Variants in TBL1X observed in about 807,000 individuals in gnomAD.
TBL1X encodes F-box-like/WD repeat-containing protein TBL1X.
Under a neutral mutation model 50.7 loss-of-function variants are expected in TBL1X, and 10 were observed. That is an observed-to-expected ratio of 0.20 (90% CI 0.12 to 0.33). The LOEUF (loss-of-function observed/expected upper bound fraction) is 0.33, where lower values mean the gene tolerates loss of function less well. Ranked by LOEUF, TBL1X falls within the 10% of genes least tolerant of loss-of-function variation. The pLI is 1.00. For missense variants in TBL1X, 340 were observed against 504.4 expected, an observed-to-expected ratio of 0.67 and a Z score of 3.12; for synonymous variants, 190 against 214.7, an observed-to-expected ratio of 0.88 and a Z score of 1.01.
intron 9 of TBL1X, among the ~76,000 whole-genome samples, 167 bp from the exon 10 acceptor site, chrX:9,692,982 A>G (rs1335056888): frequency 8.9e-6 from 1 of 112,374 alleles, no homozygotes; most frequent in African/African-American, 3.2e-5. Flanking sequence ...ATTTTCTGCA[A>G]GGTCTTACGA....
At chrX:9,698,770 C>A (rs1172807644) in intron 12 of TBL1X, among the ~76,000 whole-genome samples, 2 of 111,958 alleles carry the variant, frequency 1.8e-5, no homozygotes, top group Non-Finnish European at 3.8e-5. Flanking sequence ...CAAGGGCCGG[C>A]CTTGCAAGCA....
At chrX:9,697,913 G>A (rs957236762) in intron 12 of TBL1X, among the ~76,000 whole-genome samples, 19 of 111,715 alleles carry the variant, frequency 1.7e-4, no homozygotes, top group African/African-American at 5.5e-4. Context: ...GCAAGACCCC[G>A]TTTCTACAAA....
chrX:9,527,630 A>G (rs1232166463), intron 2 of TBL1X, among the ~76,000 whole-genome samples: 4 of 111,245 alleles, frequency 3.6e-5, no homozygotes, highest in African/African-American at 1.3e-4. Flanking sequence ...CAATGGCCAG[A>G]TAATAAATAT....
intron 2 of TBL1X, among the ~76,000 whole-genome samples, chrX:9,632,444 C>CT (rs2082726457): frequency 9.0e-6 from 1 of 111,094 alleles, no homozygotes; most frequent in Non-Finnish European, 1.9e-5. Context: ...CAACACCCAG[C>CT]TAACTTTTTT....
At chrX:9,563,113 AC>A (rs1344144927) in intron 2 of TBL1X, among the ~76,000 whole-genome samples, 2 of 112,642 alleles carry the variant, frequency 1.8e-5, no homozygotes, top group African/African-American at 6.5e-5. Context: ...AGCGTTTCTT[AC>A]CACAGCTTGC....
chrX:9,676,753 T>G (rs2082997005), intron 5 of TBL1X, among the ~76,000 whole-genome samples: 2 of 112,258 alleles, frequency 1.8e-5, no homozygotes, highest in Admixed American at 1.9e-4. Context: ...AGGGTTTTTT[T>G]CATATAAACA....
chrX:9,684,245 C>T, intron 6 of TBL1X, 57 bp downstream of exon 6: 1 of 1,187,471 alleles, frequency 8.4e-7, no homozygotes, highest in South Asian at 1.8e-5. Flanking sequence ...GCTGCAGGAG[C>T]TTGGAACACA....
chrX:9,467,170 CTTAG>C (rs1241030494), intron 1 of TBL1X, among the ~76,000 whole-genome samples: 9 of 112,550 alleles, frequency 8.0e-5, no homozygotes, highest in African/African-American at 9.7e-5. Context: ...ACAACATCAT[CTTAG>C]TTAGAAGATT....
chrX:9,705,417 A>G (rs1311651294), intron 13 of TBL1X, among the ~76,000 whole-genome samples: 1 of 111,440 alleles, frequency 9.0e-6, no homozygotes, highest in Non-Finnish European at 1.9e-5. Flanking sequence ...CAATAAATGA[A>G]TAGACGGGGC....
intron 5 of TBL1X, among the ~76,000 whole-genome samples, chrX:9,670,371 A>T (rs2082953698): frequency 1.8e-5 from 2 of 110,614 alleles, no homozygotes; most frequent in South Asian, 7.7e-4. Context: ...GATGCTCCCT[A>T]CCCCACCCCA....
At chrX:9,691,363 G>T (rs1256630730) in intron 7 of TBL1X, among the ~76,000 whole-genome samples, 1 of 106,218 alleles carries the variant, frequency 9.4e-6, no homozygotes, top group African/African-American at 3.5e-5. Context: ...TTGAACCTGG[G>T]AGACGGAGGT....
chrX:9,470,032 G>A (rs971799461), intron 1 of TBL1X, among the ~76,000 whole-genome samples: 12 of 112,648 alleles, frequency 1.1e-4, no homozygotes, highest in Admixed American at 3.7e-4. Flanking sequence ...GCTCCTTAAT[G>A]TAAGAAACCA....
intron 2 of TBL1X, among the ~76,000 whole-genome samples, chrX:9,588,362 T>A (rs968265603): frequency 8.9e-6 from 1 of 111,854 alleles, no homozygotes; most frequent in Non-Finnish European, 1.9e-5. Context: ...TGTCAGTAGA[T>A]GTTTGGGTTG....
At chrX:9,491,825 G>A (rs1369797427) in intron 1 of TBL1X, among the ~76,000 whole-genome samples, 2 of 110,858 alleles carry the variant, frequency 1.8e-5, no homozygotes, top group Non-Finnish European at 3.8e-5. Context: ...AGTTGTTTTG[G>A]TGATTGAAAT....
chrX:9,696,938 G>A (rs2083135203), intron 11 of TBL1X, among the ~76,000 whole-genome samples: 1 of 112,182 alleles, frequency 8.9e-6, no homozygotes, highest in African/African-American at 3.2e-5. Context: ...TCTGATTGCA[G>A]AAATTCAAAA....
intron 5 of TBL1X, among the ~76,000 whole-genome samples, chrX:9,672,971 C>T (rs774572080): frequency 1.2e-4 from 13 of 111,786 alleles, no homozygotes; most frequent in South Asian, 3.8e-4. Flanking sequence ...GGTGGGGACC[C>T]GCTTCCTGGT....
At chrX:9,512,440 T>C (rs2082060489) in intron 2 of TBL1X, among the ~76,000 whole-genome samples, 1 of 111,419 alleles carries the variant, frequency 9.0e-6, no homozygotes, top group South Asian at 3.7e-4. Flanking sequence ...CTGTATTTGT[T>C]ATGTCAGGGT....
intron 5 of TBL1X, among the ~76,000 whole-genome samples, chrX:9,662,670 A>G (rs960800213): frequency 8.9e-6 from 1 of 112,323 alleles, no homozygotes; most frequent in Non-Finnish European, 1.9e-5. Flanking sequence ...GTGTGAATGC[A>G]CCTAATGCCA....
chrX:9,671,386 T>C, intron 5 of TBL1X, among the ~76,000 whole-genome samples: 1 of 112,601 alleles, frequency 8.9e-6, no homozygotes, highest in Non-Finnish European at 1.9e-5. Flanking sequence ...GGGTTTTTAT[T>C]TGGGGGCCAT....
Sources: allele counts gnomAD v4.1 joint callset (sites outside exome capture counted in the v4.1 genomes callset), GRCh38; gene constraint gnomAD v4.1.1; transcripts MANE v1.5; gene names NCBI Gene and HGNC (gene_info 2026-07-23, HGNC 2026-07-21).